SH3TC2: variants seen among roughly 807,000 people sequenced by gnomAD.
The protein encoded by SH3TC2 is SH3 domain and tetratricopeptide repeats 2.
SH3TC2 carries 87 observed loss-of-function variants against 124.5 expected under a neutral mutation model. The observed-to-expected ratio is 0.70, with a 90% CI of 0.59 to 0.84. The LOEUF (loss-of-function observed/expected upper bound fraction) is 0.84. Among genes scored for constraint, SH3TC2 ranks in the 40% least tolerant of loss-of-function variants. The pLI is 0.00. For missense variants in SH3TC2, 1,536 were observed against 1,566.4 expected, an observed-to-expected ratio of 0.98 and a Z score of 0.33; for synonymous variants, 634 against 628.5, an observed-to-expected ratio of 1.01 and a Z score of -0.13.
At position 148,988,674 on chromosome 5, in the gene SH3TC2, C is replaced by T. The variant is rs1255280982; in HGVS notation, c.*16037G>A. Among the ~76,000 whole-genome samples, 1 of 152,184 alleles carries T rather than the reference C, an allele frequency of 6.6e-6. No individual in the cohort carries two copies. Among genetic ancestry groups the T allele is most frequent in the African/African-American group, 2.4e-5 (1 of 41,440 alleles). On this transcript the variant is annotated 3_prime_UTR_variant, in exon 17 of 17. Coordinates refer to ENST00000515425, the MANE Select transcript of SH3TC2 (RefSeq NM_024577.4). ...ATCTTCGATGCCCAGCCCAGAGGAG[C>T]CTTTGATGACTCCAGCTCTGGCCAC...
intron 8 of SH3TC2, 57 bp downstream of exon 8, chr5:149,038,238 G>A: frequency 6.3e-7 from 1 of 1,576,044 alleles, no homozygotes; most frequent in Non-Finnish European, 8.7e-7. Flanking sequence ...TCAAAGAGGG[G>A]AGGGAACCCT....
At position 149,041,519 on chromosome 5, in the gene SH3TC2, T is replaced by G; in HGVS notation, c.628A>C (p.Met210Leu). Residue 210 changes from methionine (M) to leucine (L), a missense_variant, in exon 6 of 17, where the codon ATG (methionine) becomes CTG (leucine). This residue lies in a region of SH3TC2 where 1,102 missense variants were observed against 1,098.6 expected (regional missense o/e 1.00). Transcript: ENST00000515425. ...TCCAACTCGGAGCCAGCTTCTGCCA[T>G]CTTCACTGAGATTAACTCATTCTTG... ...LCKNELISVK[M>L]AEAGSELEGV... The G allele has an allele frequency of 1.9e-6, 3 of 1,614,218 alleles. No homozygotes were observed. Among genetic ancestry groups the G allele is most frequent in the Non-Finnish European group, 2.5e-6 (3 of 1,180,044 alleles).
At chr5:149,015,027 C>G (rs761156507) in intron 12 of SH3TC2, among the ~76,000 whole-genome samples, 2 of 152,164 alleles carry the variant, frequency 1.3e-5, no homozygotes, top group African/African-American at 4.8e-5. Flanking sequence ...TAGGTTATTA[C>G]AGACAGGCCA....
At chr5:149,004,966 G>GCCTCCT in intron 16 of SH3TC2, 64 bp from the exon 17 acceptor site, 1 of 1,578,190 alleles carries the variant, frequency 6.3e-7, no homozygotes, top group Non-Finnish European at 8.7e-7. Flanking sequence ...GACAGGCTAG[G>GCCTCCT]AGGCTGTGCT....
At chr5:149,008,009 T>C (rs1018867016) in intron 15 of SH3TC2, 11 of 152,426 alleles carry the variant, frequency 7.2e-5, no homozygotes, top group African/African-American at 2.7e-4. Flanking sequence ...TTCCTGAGAT[T>C]AGCACACAGT....
chr5:149,022,298 T>G (rs1180707256), intron 12 of SH3TC2, among the ~76,000 whole-genome samples: 2 of 152,130 alleles, frequency 1.3e-5, no homozygotes, highest in African/African-American at 4.8e-5. Flanking sequence ...GCTCAATATC[T>G]TTAGTCATTA....
intron 8 of SH3TC2, among the ~76,000 whole-genome samples, chr5:149,037,382 C>A (rs1224161073): frequency 6.7e-6 from 1 of 148,898 alleles, no homozygotes; most frequent in East Asian, 1.9e-4. Flanking sequence ...TATTTGGACT[C>A]CCACATTTCT....
chr5:149,015,344 A>G (rs1753853357), intron 12 of SH3TC2, among the ~76,000 whole-genome samples: 2 of 152,096 alleles, frequency 1.3e-5, no homozygotes, highest in Non-Finnish European at 2.9e-5. Flanking sequence ...ACTCACCCCC[A>G]TTACTTTACA....
At chr5:149,008,618 T>C (rs1162679738) in intron 15 of SH3TC2, 1 of 592,056 alleles carries the variant, frequency 1.7e-6, no homozygotes, top group Non-Finnish European at 3.0e-6. Flanking sequence ...TAATCACTGG[T>C]CTTCATAACA....
intron 8 of SH3TC2, among the ~76,000 whole-genome samples, chr5:149,032,358 G>C (rs1754211818): frequency 6.6e-6 from 1 of 152,198 alleles, no homozygotes; most frequent in Non-Finnish European, 1.5e-5. Flanking sequence ...TAAACTAACT[G>C]TTAAGCCTAA....
chr5:149,005,801 G>T (rs532035021), intron 16 of SH3TC2, among the ~76,000 whole-genome samples: 1 of 152,136 alleles, frequency 6.6e-6, no homozygotes, highest in East Asian at 1.9e-4. Context: ...TTCCCTGGGG[G>T]CCAAACACAG....
chr5:149,052,486 C>CAT (rs1754575633), intron 1 of SH3TC2, among the ~76,000 whole-genome samples: 1 of 152,184 alleles, frequency 6.6e-6, no homozygotes, highest in Non-Finnish European at 1.5e-5. Flanking sequence ...TCCCCATTCA[C>CAT]ATATCGAACT....
Position 149,005,574 on chromosome 5 carries a change from A to G in SH3TC2, c.3676-672T>C, listed in dbSNP as rs1019588446. 3.3e-5 allele frequency among the ~76,000 whole-genome samples: 5 copies of G among 152,228 alleles called. No individual in the cohort carries two copies. The South Asian group carries it at 1.0e-3, about 32-fold the overall frequency. Reference sequence around the variant, plus strand: ...ATCAGATCACACACTTTGTCCCTGAACCACTTACTGGGAGCTATGGGGCAG... The same window carrying G: ...ATCAGATCACACACTTTGTCCCTGAGCCACTTACTGGGAGCTATGGGGCAG... On this transcript the variant is annotated intron_variant, in intron 16 of 16. Transcript: ENST00000515425.
chr5:148,995,211 T>G lies in SH3TC2; in HGVS notation c.*9500A>C, dbSNP rs1433593080. On this transcript the variant is annotated 3_prime_UTR_variant, in exon 17 of 17. Transcript: ENST00000515425. ...CCTAAGTTCTGAAAGAGAAAACGTGTATCAGAATTACATAATTATATAAAG... is the reference window on the plus strand; with the variant it reads ...CCTAAGTTCTGAAAGAGAAAACGTGGATCAGAATTACATAATTATATAAAG... Among the ~76,000 whole-genome samples the G allele has an allele frequency of 6.6e-6, 1 of 152,248 alleles. No individual in the cohort carries two copies. Among genetic ancestry groups the G allele is most frequent in the Non-Finnish European group, 1.5e-5 (1 of 68,042 alleles).
At chr5:149,035,347 A>G (rs1754264825) in intron 8 of SH3TC2, 3 of 152,242 alleles carry the variant, frequency 2.0e-5, no homozygotes, top group Admixed American at 1.3e-4. Flanking sequence ...TTAAGTATAC[A>G]CACATACTTT....
intron 1 of SH3TC2, among the ~76,000 whole-genome samples, chr5:149,056,620 G>A (rs1754652998): frequency 6.6e-6 from 1 of 152,146 alleles, no homozygotes; most frequent in Admixed American, 6.5e-5. Flanking sequence ...TATTTCTGAT[G>A]TCTTCTAGAG....
chr5:149,008,020 C>T (rs1753720115), intron 15 of SH3TC2: 1 of 152,488 alleles, frequency 6.6e-6, no homozygotes, highest in Non-Finnish European at 1.5e-5. Context: ...AGCACACAGT[C>T]ACTCAGATGA....
In SH3TC2 at chr5:149,003,870, A is replaced by AAAGACATGTATTGGTAT. The variant is rs1753637392; in HGVS notation, c.*840_*841insATACCAATACATGTCTT. 2.6e-6 allele frequency: 1 copy of AAAGACATGTATTGGTAT among 378,700 alleles called. No individual in the cohort carries two copies. Among genetic ancestry groups the AAAGACATGTATTGGTAT allele is most frequent in the African/African-American group, 2.2e-5 (1 of 46,200 alleles). The allele number at this position is 378,700 out of a possible 1,614,324, so 23.5% of individuals were successfully genotyped here. On this transcript the variant is annotated 3_prime_UTR_variant, in exon 17 of 17. Transcript: ENST00000515425. ...GTCTCAAAAAAAAAAAAAAAAAAAA[A>AAAGACATGTATTGGTAT]AGACATGTATTGGTATTCTCTCCCA...
chr5:149,027,000 G>T lies in SH3TC2; in HGVS notation c.2732C>A (p.Ala911Asp), dbSNP rs747958046. ...TAATTCCATGTCTGTCTCCTTACTGGCCTGAAGTTCACAATAGAGTCGTAC... is the reference window on the plus strand; with the variant it reads ...TAATTCCATGTCTGTCTCCTTACTGTCCTGAAGTTCACAATAGAGTCGTAC... ...QAVRLYCELQ[A>D]SKETDMELVQ... Residue 911 changes from alanine to aspartate, a missense_variant, in exon 11 of 17, where the codon GCC (alanine) becomes GAC (aspartate). Around this residue, in one of 3 missense-constraint regions of SH3TC2, gnomAD observed 8 missense variants for 24.3 expected, o/e 0.33. Transcript: ENST00000515425. 6.2e-7 allele frequency: 1 copy of T among 1,614,116 alleles called. No individual in the cohort carries two copies. Among genetic ancestry groups the T allele is most frequent in the South Asian group, 1.1e-5 (1 of 91,074 alleles).
Sources: allele counts gnomAD v4.1 joint callset (sites outside exome capture counted in the v4.1 genomes callset), GRCh38; gene constraint gnomAD v4.1.1; regional missense constraint gnomAD v4.1.1; transcripts MANE v1.5; gene names NCBI Gene and HGNC (gene_info 2026-07-23, HGNC 2026-07-21).